ASTN2: variants seen among roughly 807,000 people sequenced by gnomAD.
The protein encoded by ASTN2 is astrotactin 2, also known as astrotactin-2.
ASTN2 carries 54 observed loss-of-function variants against 139.8 expected under a neutral mutation model. That is an observed-to-expected ratio of 0.39 (90% CI 0.31 to 0.48). The LOEUF (loss-of-function observed/expected upper bound fraction) is 0.48. Among genes scored for constraint, ASTN2 ranks in the 20% least tolerant of loss-of-function variants. The probability of loss-of-function intolerance (pLI) is 0.95; values close to 1 mark genes in which losing one functional copy is unlikely to be tolerated. For missense variants in ASTN2, 1,565 were observed against 1,725.1 expected, an observed-to-expected ratio of 0.91 and a Z score of 1.64; for synonymous variants, 756 against 719.5, an observed-to-expected ratio of 1.05 and a Z score of -0.81.
intron 19 of ASTN2, among the ~76,000 whole-genome samples, chr9:116,553,256 G>A (rs977451019): frequency 6.6e-5 from 10 of 152,138 alleles, no homozygotes; most frequent in East Asian, 3.9e-4. Context: ...ATAATCACTC[G>A]GACCTCACTT....
chr9:117,026,640 A>G (rs534030192), intron 6 of ASTN2, among the ~76,000 whole-genome samples: 33 of 152,214 alleles, frequency 2.2e-4, no homozygotes, highest in Non-Finnish European at 3.7e-4. Flanking sequence ...TATGAACTCA[A>G]TATGGCAGCG....
Position 117,376,187 on chromosome 9 carries a change from G to A in ASTN2, c.442+38310C>T, listed in dbSNP as rs142150614. ...TTGAGCCCACCACAGGATGGCAGAA[G>A]CACACTTAACTGTAGTAGAAACCCT... is the stretch of plus-strand genomic sequence containing the variant. On this transcript the variant is annotated intron_variant, in intron 1 of 22. Coordinates refer to ENST00000313400, the MANE Select transcript of ASTN2 (RefSeq NM_001365068.1). Among the ~76,000 whole-genome samples, 680 of 152,288 alleles carry A rather than the reference G, an allele frequency of 4.5e-3. 4 individuals are homozygous for A. Among genetic ancestry groups the A allele is most frequent in the Non-Finnish European group, 8.5e-3 (578 of 68,028 alleles).
At chr9:117,044,849 G>A (rs1452998989) in intron 5 of ASTN2, among the ~76,000 whole-genome samples, 1 of 152,200 alleles carries the variant, frequency 6.6e-6, no homozygotes, top group African/African-American at 2.4e-5. Flanking sequence ...ACATGTTAGT[G>A]GCAAAGAATT....
intron 13 of ASTN2, among the ~76,000 whole-genome samples, chr9:116,743,524 T>C (rs1829150096): frequency 6.6e-6 from 1 of 150,382 alleles, no homozygotes. Context: ...GCCGCTGCAC[T>C]CCAGTGAGAC....
chr9:116,776,948 C>T (rs951425115), intron 13 of ASTN2, among the ~76,000 whole-genome samples: 1 of 152,142 alleles, frequency 6.6e-6, no homozygotes, highest in Non-Finnish European at 1.5e-5. Context: ...CTTTTCCTGA[C>T]AAAATTACAA....
intron 13 of ASTN2, among the ~76,000 whole-genome samples, chr9:116,745,933 G>C (rs1384814645): frequency 6.6e-6 from 1 of 152,008 alleles, no homozygotes; most frequent in African/African-American, 2.4e-5. Flanking sequence ...TGGGATTCTG[G>C]GCTAACATCT....
intron 19 of ASTN2, among the ~76,000 whole-genome samples, chr9:116,503,837 G>T (rs1016230905): frequency 6.6e-6 from 1 of 152,166 alleles, no homozygotes; most frequent in Non-Finnish European, 1.5e-5. Context: ...AATCCTGTGA[G>T]GTAGGCAGTT....
At chr9:117,066,016 C>T (rs1587924065) in intron 5 of ASTN2, among the ~76,000 whole-genome samples, 1 of 146,068 alleles carries the variant, frequency 6.8e-6, no homozygotes. Context: ...CCCATTTTAT[C>T]TTTTTTTTTT....
At chr9:117,096,810 T>A (rs1015642034) in intron 4 of ASTN2, among the ~76,000 whole-genome samples, 8 of 152,064 alleles carry the variant, frequency 5.3e-5, no homozygotes, top group African/African-American at 1.9e-4. Flanking sequence ...AAGATTTAAG[T>A]CAGGTCTTGA....
intron 1 of ASTN2, among the ~76,000 whole-genome samples, chr9:117,411,795 A>G (rs564180944): frequency 6.6e-6 from 1 of 152,192 alleles, no homozygotes; most frequent in South Asian, 2.1e-4. Flanking sequence ...CCAACTTTGC[A>G]TGCTCAGCTG....
chr9:116,897,811 T>A (rs968350852), intron 10 of ASTN2, among the ~76,000 whole-genome samples: 1 of 152,066 alleles, frequency 6.6e-6, no homozygotes, highest in African/African-American at 2.4e-5. Flanking sequence ...GTAGGTTACA[T>A]ATCTGGAAAA....
Position 116,647,909 on chromosome 9 carries a change from T to G in ASTN2, c.3072+3619A>C, listed in dbSNP as rs565830935. 4.6e-5 allele frequency among the ~76,000 whole-genome samples: 7 copies of G among 152,254 alleles called. 1 individual carries two copies. In the East Asian group the frequency reaches 1.4e-3, roughly 29 times the overall value. On this transcript the variant is annotated intron_variant, in intron 17 of 22. Coordinates refer to ENST00000313400, the MANE Select transcript of ASTN2 (RefSeq NM_001365068.1). Reference sequence around the variant, plus strand: ...CTCACTGAAGCCTTGACCTCCTCCTTGAGCGCTTGATGCGCTCAAGCGATC... The same window carrying G: ...CTCACTGAAGCCTTGACCTCCTCCTGGAGCGCTTGATGCGCTCAAGCGATC...
At chr9:116,887,061 T>C (rs1473655726) in intron 10 of ASTN2, among the ~76,000 whole-genome samples, 7 of 152,184 alleles carry the variant, frequency 4.6e-5, no homozygotes, top group African/African-American at 1.4e-4. Context: ...AAGTGCTCAA[T>C]AAATTTCTGC....
chr9:117,025,081 C>T (rs977548819), intron 6 of ASTN2, among the ~76,000 whole-genome samples: 6 of 152,038 alleles, frequency 3.9e-5, no homozygotes, highest in Admixed American at 6.6e-5. Context: ...TACCGAGTCT[C>T]GGGTATATCT....
At chr9:116,501,231 T>C (rs1440653916) in intron 19 of ASTN2, among the ~76,000 whole-genome samples, 1 of 152,206 alleles carries the variant, frequency 6.6e-6, no homozygotes, top group African/African-American at 2.4e-5. Context: ...TTTTTTGTTC[T>C]TGCGATAGTT....
intron 11 of ASTN2, among the ~76,000 whole-genome samples, chr9:116,834,981 C>T (rs560766614): frequency 1.3e-5 from 2 of 152,192 alleles, no homozygotes; most frequent in South Asian, 2.1e-4. Flanking sequence ...CCTAAGAAGT[C>T]GAGGCTGCAG....
At chr9:116,671,112 T>A (rs764928224) in intron 16 of ASTN2, among the ~76,000 whole-genome samples, 1 of 152,138 alleles carries the variant, frequency 6.6e-6, no homozygotes, top group Non-Finnish European at 1.5e-5. Context: ...AAAAATTATT[T>A]CAAACATTTT....
chr9:117,298,617 ATAGT>A (rs1188373074), intron 1 of ASTN2, among the ~76,000 whole-genome samples: 1 of 150,856 alleles, frequency 6.6e-6, no homozygotes, highest in Non-Finnish European at 1.5e-5. Context: ...CTTCATATAC[ATAGT>A]TATAGTATCC....
chr9:116,930,845 C>T (rs895090761), intron 10 of ASTN2, among the ~76,000 whole-genome samples: 3 of 152,124 alleles, frequency 2.0e-5, no homozygotes, highest in East Asian at 1.9e-4. Context: ...CCACTTCCCC[C>T]GCCCCTCCAT....
Sources: allele counts gnomAD v4.1 joint callset (sites outside exome capture counted in the v4.1 genomes callset), GRCh38; gene constraint gnomAD v4.1.1; transcripts MANE v1.5; gene names NCBI Gene and HGNC (gene_info 2026-07-23, HGNC 2026-07-21).